The following ALS2 variants were observed in gnomAD, a reference collection of about 807,000 sequenced individuals.
ALS2 encodes alsin.
A neutral mutation model predicts 203.4 loss-of-function variants in ALS2; 117 were observed. The observed-to-expected ratio is 0.58, with a 90% CI of 0.50 to 0.67. ALS2 has a LOEUF of 0.67. Among genes scored for constraint, ALS2 ranks in the 30% least tolerant of loss-of-function variants. ALS2 has a pLI of 0.00. For synonymous variants in ALS2, 718 were observed against 725.9 expected (o/e 0.99, Z 0.17); for missense variants, 1,715 against 1,989.4 (o/e 0.86, Z 2.62).
chr2:201,710,922 T>C, intron 26 of ALS2, 69 bp downstream of exon 26: 1 of 970,516 alleles, frequency 1.0e-6, no homozygotes, highest in South Asian at 1.3e-5. Flanking sequence ...TGTGAGTCTA[T>C]CTGAATGATA....
At chr2:201,760,135 C>A in intron 4 of ALS2, 1 of 593,282 alleles carries the variant, frequency 1.7e-6, no homozygotes, top group Non-Finnish European at 2.1e-6. Context: ...TGAGCCTGGG[C>A]AACAGGCTCT....
intron 2 of ALS2, 126 bp from the exon 3 acceptor site, chr2:201,767,509 C>T: frequency 9.5e-7 from 1 of 1,051,790 alleles, no homozygotes. Flanking sequence ...GCTGAATTAG[C>T]ACCTATTTTA....
In ALS2 at chr2:201,728,587, G is replaced by A. The variant is rs773762585; in HGVS notation, c.2766C>T (p.Ala922=). 3.7e-6 allele frequency: 6 copies of A among 1,613,880 alleles called. No individual in the cohort carries two copies. The highest frequency in any genetic ancestry group is 2.2e-5 in the East Asian group (1 of 44,888). The change falls in exon 15 of 34, where the codon GCC becomes GCT. Residue 922 remains alanine (A), a synonymous_variant. Transcript: ENST00000264276. The part of the protein sequence containing the change: ...RRLLCESSNR[A]LSLQHAGRFS... ...ACCTCCCAGCATGCTGCAGAGACAGGGCTCGGTTACTACTCTCACACAGCA... is the reference window on the plus strand; with the variant it reads ...ACCTCCCAGCATGCTGCAGAGACAGAGCTCGGTTACTACTCTCACACAGCA...
At chr2:201,721,237 C>T in intron 23 of ALS2, among the ~76,000 whole-genome samples, 1 of 152,126 alleles carries the variant, frequency 6.6e-6, no homozygotes, top group African/African-American at 2.4e-5. Context: ...GCAATTCTCC[C>T]CAAATTAATC....
chr2:201,728,917 T>G (rs1169201779), intron 14 of ALS2, 135 bp downstream of exon 14: 1 of 1,377,324 alleles, frequency 7.3e-7, no homozygotes. Context: ...ATTAGTATGG[T>G]CCTTAGACAT....
intron 3 of ALS2, chr2:201,762,868 A>C (rs908689883): frequency 6.5e-6 from 1 of 154,788 alleles, no homozygotes; most frequent in Non-Finnish European, 1.4e-5. Context: ...GAGCTCAAGG[A>C]GGCAAGGCTG....
Position 201,733,258 on chromosome 2 carries a change from GTA to G in ALS2, c.2580+16_2580+17del. The G allele has an allele frequency of 1.2e-6, 2 of 1,613,294 alleles. No individual in the cohort carries two copies. The highest frequency in any genetic ancestry group is 1.7e-6 in the Non-Finnish European group (2 of 1,179,504). On this transcript the variant is annotated intron_variant, in intron 13 of 33. Transcript: ENST00000264276. The stretch of plus-strand genomic sequence containing the variant: ...CTTGGCTTTCCAAATGTCCAAAGAG[GTA>G]TACATGGGAGCTTACCACTTCAAAA...
At chr2:201,702,750 C>T (rs1689466939) in intron 33 of ALS2, among the ~76,000 whole-genome samples, 1 of 152,170 alleles carries the variant, frequency 6.6e-6, no homozygotes, top group Non-Finnish European at 1.5e-5. Context: ...ATAACATAAA[C>T]ACTAATAATC....
Position 201,761,394 on chromosome 2 carries a change from C to T in ALS2, c.600G>A (p.Gly200=), listed in dbSNP as rs1192038997. 1.2e-6 allele frequency: 2 copies of T among 1,611,438 alleles called. No homozygotes were observed. The highest frequency in any genetic ancestry group is 8.5e-7 in the Non-Finnish European group (1 of 1,177,876). ...CACAGGCAACTTGAAGCACCACTCG[C>T]CCAGCAAGATGTTCTACCTTTTGCG... The part of the protein sequence containing the change: ...TKPQKVEHLA[G]RVVLQVACGA... Residue 200 remains glycine (G), a synonymous_variant, in exon 4 of 34, where the codon GGG becomes GGA. Coordinates refer to ENST00000264276, the MANE Select transcript of ALS2 (RefSeq NM_020919.4).
intron 33 of ALS2, among the ~76,000 whole-genome samples, chr2:201,703,913 G>T (rs1474764580): frequency 1.3e-5 from 2 of 152,128 alleles, no homozygotes; most frequent in Non-Finnish European, 2.9e-5. Context: ...AGATAATGAA[G>T]AATTTGCTTT....
chr2:201,749,723 G>A lies in ALS2; in HGVS notation c.1804C>T (p.Arg602Cys), dbSNP rs772763831. ...GHSDFPTTVP[R>C]LAKISSENGV... is the part of the protein sequence containing the mutation. ...GTTCACAAAAGTACCTTTGCAAGACGAGGAACTGTTGTTGGAAAATCGGAA... is the reference window on the plus strand; with the variant it reads ...GTTCACAAAAGTACCTTTGCAAGACAAGGAACTGTTGTTGGAAAATCGGAA... The change falls in exon 8 of 34, where the codon CGT (arginine) becomes TGT (cysteine). Residue 602 changes from arginine (R) to cysteine (C), a missense_variant. Transcript: ENST00000264276. The A allele has an allele frequency of 1.3e-5, 21 of 1,613,808 alleles. No homozygotes were observed. The East Asian group carries it at 4.2e-4, about 33-fold the overall frequency.
rs1480846795 is a variant in ALS2, at chr2:201,727,566, A to T, written c.2912+139T>A. On this transcript the variant is annotated intron_variant, in intron 16 of 33. Transcript: ENST00000264276. ...TTATCAATAGACTACTTTACTGTCT[A>T]ATGTGCTGAGAGGTGGGCCTCATTA... 5.2e-6 allele frequency: 4 copies of T among 774,406 alleles called. No individual in the cohort carries two copies. In the African/African-American group the frequency reaches 6.9e-5, roughly 13 times the overall value. 48.0% of individuals were successfully genotyped at this position (774,406 alleles called of 1,614,324 possible).
At chr2:201,758,981 A>ATTGT (rs1693587729) in intron 4 of ALS2, among the ~76,000 whole-genome samples, 1 of 152,164 alleles carries the variant, frequency 6.6e-6, no homozygotes, top group Non-Finnish European at 1.5e-5. Context: ...AAGAAATACA[A>ATTGT]AGCCTATTAC....
rs1404333021 is a variant in ALS2, at chr2:201,728,104, T to A, written c.2842-329A>T. Among the ~76,000 whole-genome samples, 6 of 152,142 alleles carry A rather than the reference T, an allele frequency of 3.9e-5. No homozygotes were observed. In the East Asian group the frequency reaches 9.6e-4, roughly 24 times the overall value. On this transcript the variant is annotated intron_variant, in intron 15 of 33. Coordinates refer to ENST00000264276, the MANE Select transcript of ALS2 (RefSeq NM_020919.4). ...AAAATAGCCTCTTTTTTAAAAAAAA[T>A]TATTATTATACTTTAAGTTCTAGGG...
In ALS2 at chr2:201,741,734, T is replaced by C. The variant is rs1692281229; in HGVS notation, c.2291A>G (p.Lys764Arg). The change falls in exon 11 of 34, where the codon AAG becomes AGG. Residue 764 changes from lysine to arginine, a missense_variant. This residue lies in a region of ALS2 where 1,227 missense variants were observed against 1,413.5 expected (regional missense o/e 0.87). Transcript: ENST00000264276. ...CAGGATGACCAAACTCCTGGCTTCC[T>C]TTACCCCATGAAGGAAGCTGCTCAA... is the stretch of plus-strand genomic sequence containing the variant. ...ASLSSFLHGVKEARSLVILKH... is the reference protein window; with the variant it reads ...ASLSSFLHGVREARSLVILKH... The C allele has an allele frequency of 1.2e-6, 2 of 1,614,134 alleles. No homozygotes were observed. Among genetic ancestry groups the C allele is most frequent in the Non-Finnish European group, 1.7e-6 (2 of 1,180,014 alleles).
chr2:201,778,299 C>G (rs990830032), intron 1 of ALS2: 3 of 152,172 alleles, frequency 2.0e-5, no homozygotes, highest in Non-Finnish European at 4.4e-5. Context: ...ACATAATTCA[C>G]TAGCAGCTAA....
chr2:201,740,855 A>G (rs1349979755), intron 11 of ALS2, among the ~76,000 whole-genome samples: 1 of 152,202 alleles, frequency 6.6e-6, no homozygotes, highest in Non-Finnish European at 1.5e-5. Flanking sequence ...TAATCAAAAC[A>G]AAACACCAAC....
intron 11 of ALS2, chr2:201,741,046 T>C (rs1182500225): frequency 2.6e-5 from 4 of 154,224 alleles, no homozygotes; most frequent in Admixed American, 6.5e-5. Context: ...TAACCTAACA[T>C]ACATTAAAAT....
intron 1 of ALS2, among the ~76,000 whole-genome samples, chr2:201,779,705 C>G (rs1694813315): frequency 6.6e-6 from 1 of 152,050 alleles, no homozygotes; most frequent in African/African-American, 2.4e-5. Flanking sequence ...ATTTTTATCC[C>G]CAATTTAGAG....
Sources: allele counts gnomAD v4.1 joint callset (sites outside exome capture counted in the v4.1 genomes callset), GRCh38; gene constraint gnomAD v4.1.1; regional missense constraint gnomAD v4.1.1; transcripts MANE v1.5; gene names NCBI Gene and HGNC (gene_info 2026-07-23, HGNC 2026-07-21).